The following EXOC4 variants were observed in gnomAD, a reference collection of about 807,000 sequenced individuals.
EXOC4 encodes the protein exocyst complex component 4, also known as SEC8-like 1.
A neutral mutation model predicts 107.2 loss-of-function variants in EXOC4; 71 were observed. The observed-to-expected ratio is 0.66, with a 90% CI of 0.55 to 0.81. EXOC4 has a LOEUF of 0.81. Among genes scored for constraint, EXOC4 ranks in the 30% least tolerant of loss-of-function variants. The probability of loss-of-function intolerance (pLI) is 0.00; values close to 1 mark genes in which losing one functional copy is unlikely to be tolerated. For missense variants in EXOC4, 1,108 were observed against 1,189.6 expected, an observed-to-expected ratio of 0.93 and a Z score of 1.01; for synonymous variants, 456 against 441.2, an observed-to-expected ratio of 1.03 and a Z score of -0.42.
At chr7:133,512,976 A>G (rs995269980) in intron 9 of EXOC4, among the ~76,000 whole-genome samples, 4 of 152,094 alleles carry the variant, frequency 2.6e-5, no homozygotes, top group African/African-American at 9.7e-5. Flanking sequence ...CTGGTGGCAC[A>G]CACCTGTAGT....
chr7:133,997,068 G>A lies in EXOC4; in HGVS notation c.2207-424G>A, dbSNP rs559383526. ...GAGATGGAACAGGCTGCCTTGAAAGGTATTGAGTTTCCTTTCGCCAGCATT... is the reference window on the plus strand; with the variant it reads ...GAGATGGAACAGGCTGCCTTGAAAGATATTGAGTTTCCTTTCGCCAGCATT... On this transcript the variant is annotated intron_variant, in intron 14 of 17. Transcript: ENST00000253861. Among the ~76,000 whole-genome samples the A allele has an allele frequency of 2.6e-4, 40 of 152,284 alleles. No homozygotes were observed. The South Asian group carries it at 8.3e-3, about 32-fold the overall frequency.
chr7:133,947,008 A>C (rs1164517841), intron 14 of EXOC4, among the ~76,000 whole-genome samples: 1 of 152,218 alleles, frequency 6.6e-6, no homozygotes, highest in Non-Finnish European at 1.5e-5. Flanking sequence ...GACATATAGC[A>C]CATATTTGAC....
intron 3 of EXOC4, among the ~76,000 whole-genome samples, chr7:133,290,428 A>G (rs1794377473): frequency 6.6e-6 from 1 of 152,218 alleles, no homozygotes; most frequent in Non-Finnish European, 1.5e-5. Context: ...ATAGAAAAAA[A>G]TTACTTTTCA....
In EXOC4 at chr7:133,337,846, G is replaced by A. The variant is rs529584632; in HGVS notation, c.764-18484G>A. On this transcript the variant is annotated intron_variant, in intron 5 of 17. Transcript: ENST00000253861. Reference sequence around the variant, plus strand: ...AGGGTCTCCTTATATTTCCTAGGCTGGTCTCAAACTCCTGGATTCAAGTAA... The same window carrying A: ...AGGGTCTCCTTATATTTCCTAGGCTAGTCTCAAACTCCTGGATTCAAGTAA... Among the ~76,000 whole-genome samples the A allele has an allele frequency of 2.0e-5, 3 of 151,574 alleles. No individual in the cohort carries two copies. In the East Asian group the frequency reaches 5.8e-4, roughly 29 times the overall value.
chr7:133,614,964 G>A (rs1239993255), intron 9 of EXOC4, among the ~76,000 whole-genome samples: 3 of 152,112 alleles, frequency 2.0e-5, no homozygotes, highest in African/African-American at 7.2e-5. Flanking sequence ...AGATCTAGAA[G>A]AAGCACTGCC....
intron 7 of EXOC4, among the ~76,000 whole-genome samples, chr7:133,473,206 A>G (rs1272806147): frequency 6.6e-6 from 1 of 152,194 alleles, no homozygotes; most frequent in Non-Finnish European, 1.5e-5. Flanking sequence ...TTGAGTTGTT[A>G]CTAGAGACCC....
chr7:133,319,242 C>T (rs1250038212), intron 5 of EXOC4, among the ~76,000 whole-genome samples: 1 of 152,130 alleles, frequency 6.6e-6, no homozygotes, highest in Non-Finnish European at 1.5e-5. Flanking sequence ...CTGAAATATG[C>T]CAGTTACGGC....
At chr7:133,563,197 T>C (rs927851306) in intron 9 of EXOC4, among the ~76,000 whole-genome samples, 1 of 152,182 alleles carries the variant, frequency 6.6e-6, no homozygotes, top group African/African-American at 2.4e-5. Context: ...GCATATGAAA[T>C]TGAAAGAGAC....
chr7:133,459,667 G>A (rs908565026), intron 7 of EXOC4, among the ~76,000 whole-genome samples: 6 of 152,156 alleles, frequency 3.9e-5, no homozygotes, highest in Non-Finnish European at 7.3e-5. Flanking sequence ...ATCATATGCT[G>A]CCAATCATAC....
At chr7:134,084,572 G>A in the EXOC4 span, among the ~76,000 whole-genome samples, 1 of 151,874 alleles carries the variant, frequency 6.6e-6, no homozygotes, top group Non-Finnish European at 1.5e-5. Context: ...CTTTGTATCA[G>A]GAGGGCCTCA....
At chr7:133,813,985 G>C (rs1797301323) in intron 10 of EXOC4, among the ~76,000 whole-genome samples, 1 of 152,098 alleles carries the variant, frequency 6.6e-6, no homozygotes, top group South Asian at 2.1e-4. Context: ...CTATTATACA[G>C]CAATTTATTA....
In EXOC4 at chr7:133,475,460, A is replaced by T. The variant is rs780446105; in HGVS notation, c.1315A>T (p.Asn439Tyr). ...FAKKKPQRPK[N>Y]SLFKFESSSH... ...CAAGAAGAAACCTCAAAGGCCAAAA[A>T]ATTCTCTTTTCAAGTAAGTATTATT... is the stretch of plus-strand genomic sequence containing the variant. The change falls in exon 8 of 18, where the codon AAT becomes TAT. Residue 439 changes from asparagine to tyrosine, a missense_variant. Asn to Tyr is a moderately radical substitution (Grantham distance 143, BLOSUM62 -2). Coordinates refer to ENST00000253861, the MANE Select transcript of EXOC4 (RefSeq NM_021807.4). 9 of 1,613,994 alleles carry T rather than the reference A, an allele frequency of 5.6e-6. No individual in the cohort carries two copies. The East Asian group carries it at 2.0e-4, about 36-fold the overall frequency.
chr7:133,269,192 T>C (rs933312607), intron 1 of EXOC4, among the ~76,000 whole-genome samples: 5 of 152,198 alleles, frequency 3.3e-5, no homozygotes, highest in African/African-American at 1.2e-4. Flanking sequence ...GGTGCTCTCT[T>C]TCCATCCCTA....
chr7:133,305,103 G>C (rs1794722288), intron 3 of EXOC4, among the ~76,000 whole-genome samples: 1 of 145,340 alleles, frequency 6.9e-6, no homozygotes, highest in Non-Finnish European at 1.5e-5. Context: ...ATGTCACTTT[G>C]AGTTTCAAAG....
chr7:134,052,612 G>T (rs6955613), intron 17 of EXOC4, among the ~76,000 whole-genome samples: 63,265 of 151,490 alleles, frequency 0.42, 13,753 homozygotes, highest in East Asian at 0.61. Flanking sequence ...TTAGCAGTTA[G>T]TTTTATCATT....
At chr7:133,339,881 A>G (rs1371320574) in intron 5 of EXOC4, among the ~76,000 whole-genome samples, 1 of 152,182 alleles carries the variant, frequency 6.6e-6, no homozygotes, top group Non-Finnish European at 1.5e-5. Context: ...ACTTCACTGA[A>G]TTTATCAGAT....
chr7:134,095,319 G>C, the EXOC4 span, among the ~76,000 whole-genome samples: 1 of 152,038 alleles, frequency 6.6e-6, no homozygotes, highest in African/African-American at 2.4e-5. Context: ...AGAAATCATA[G>C]ATGGCACAAA....
chr7:133,903,517 A>G (rs1319881628), intron 12 of EXOC4, among the ~76,000 whole-genome samples: 2 of 152,194 alleles, frequency 1.3e-5, no homozygotes, highest in Admixed American at 1.3e-4. Flanking sequence ...AAAGGTGTCA[A>G]AAATAACTCT....
the EXOC4 span, among the ~76,000 whole-genome samples, chr7:134,098,839 C>T: frequency 1.3e-5 from 2 of 152,174 alleles, no homozygotes; most frequent in Non-Finnish European, 2.9e-5. Context: ...CTTGGAGCCA[C>T]GTCCAACACA....
Sources: gnomAD v4.1 joint callset for allele counts (sites outside exome capture counted in the v4.1 genomes callset) on GRCh38, gnomAD v4.1.1 for gene constraint, MANE v1.5 for transcripts, NCBI Gene and HGNC (gene_info 2026-07-23, HGNC 2026-07-21) for gene names.